PKP4: variants seen among roughly 807,000 people sequenced by gnomAD.
PKP4 encodes plakophilin-4.
A neutral mutation model predicts 145.1 loss-of-function variants in PKP4; 90 were observed. The observed-to-expected ratio is 0.62, with a 90% confidence interval of 0.52 to 0.74. The LOEUF is 0.74. Ranked by LOEUF, PKP4 falls within the 30% of genes least tolerant of loss-of-function variation. PKP4 has a pLI of 0.00. For synonymous variants in PKP4, 563 were observed against 577.2 expected (o/e 0.98, Z 0.35); for missense variants, 1,340 against 1,482.7 (o/e 0.90, Z 1.58).
intron 1 of PKP4, among the ~76,000 whole-genome samples, chr2:158,469,326 G>A (rs1559182033): frequency 6.6e-6 from 1 of 150,620 alleles, no homozygotes; most frequent in Non-Finnish European, 1.5e-5. Flanking sequence ...CTGACCTCAG[G>A]TGATCTGCCT....
At chr2:158,678,963 A>C (rs1431679113) in intron 21 of PKP4, 26 of 387,088 alleles carry the variant, frequency 6.7e-5, no homozygotes, top group Non-Finnish European at 1.2e-4. Context: ...TTAAGCTCTA[A>C]AATCTCTTCC....
At chr2:158,568,481 A>G (rs1369286126) in intron 2 of PKP4, among the ~76,000 whole-genome samples, 1 of 152,198 alleles carries the variant, frequency 6.6e-6, no homozygotes, top group Non-Finnish European at 1.5e-5. Context: ...GTGGGGAAGT[A>G]TGGGAGAGGA....
chr2:158,592,349 TG>T (rs1300517292), intron 3 of PKP4, among the ~76,000 whole-genome samples: 2 of 152,100 alleles, frequency 1.3e-5, no homozygotes, highest in Non-Finnish European at 2.9e-5. Context: ...GAATATTGAC[TG>T]TTTCCTTATG....
intron 4 of PKP4, among the ~76,000 whole-genome samples, chr2:158,610,024 T>G (rs1332649175): frequency 6.6e-6 from 1 of 152,234 alleles, no homozygotes; most frequent in African/African-American, 2.4e-5. Context: ...AAAGTTGTTT[T>G]GGAGCATTTA....
chr2:158,516,637 T>TA (rs1226296462), intron 1 of PKP4, among the ~76,000 whole-genome samples: 3 of 151,194 alleles, frequency 2.0e-5, no homozygotes, highest in Non-Finnish European at 4.4e-5. Context: ...AGATAGCAAG[T>TA]ACACTGGATT....
intron 1 of PKP4, among the ~76,000 whole-genome samples, chr2:158,493,529 ACC>A: frequency 6.6e-6 from 1 of 152,104 alleles, no homozygotes; most frequent in Non-Finnish European, 1.5e-5. Context: ...GGGACCAGCC[ACC>A]TGTCCTCCTT....
intron 2 of PKP4, among the ~76,000 whole-genome samples, chr2:158,561,882 G>T (rs1342572848): frequency 6.6e-6 from 1 of 151,196 alleles, no homozygotes; most frequent in Non-Finnish European, 1.5e-5. Context: ...TTGGTTTGCT[G>T]CATCCATCAA....
At chr2:158,561,668 T>C (rs1241728836) in intron 2 of PKP4, among the ~76,000 whole-genome samples, 1 of 152,254 alleles carries the variant, frequency 6.6e-6, no homozygotes, top group African/African-American at 2.4e-5. Context: ...ACTTCCCAGG[T>C]TACATGAGTG....
intron 2 of PKP4, among the ~76,000 whole-genome samples, chr2:158,552,717 A>T (rs1229930132): frequency 6.6e-6 from 1 of 152,140 alleles, no homozygotes; most frequent in Non-Finnish European, 1.5e-5. Flanking sequence ...TGAGACATAA[A>T]TTTTTTTGGT....
intron 1 of PKP4, among the ~76,000 whole-genome samples, chr2:158,532,729 C>T (rs908296438): frequency 6.6e-6 from 1 of 152,226 alleles, no homozygotes; most frequent in African/African-American, 2.4e-5. Context: ...TCAGATTCTT[C>T]TAAAGAAACC....
chr2:158,678,848 T>C (rs562076564), intron 21 of PKP4, 194 bp downstream of exon 21: 1 of 612,218 alleles, frequency 1.6e-6, no homozygotes, highest in African/African-American at 1.9e-5. Flanking sequence ...TTCTTGAGTA[T>C]CCACATCGGT....
chr2:158,506,730 C>A (rs1319537813), intron 1 of PKP4, among the ~76,000 whole-genome samples: 3 of 152,138 alleles, frequency 2.0e-5, no homozygotes, highest in Non-Finnish European at 4.4e-5. Flanking sequence ...TTGGAATATT[C>A]TAAAATCCTG....
chr2:158,646,490 T>G (rs534905969), intron 11 of PKP4, among the ~76,000 whole-genome samples: 14 of 152,194 alleles, frequency 9.2e-5, no homozygotes, highest in Non-Finnish European at 1.8e-4. Context: ...GTTGCTTTTT[T>G]TGTGTGTGTA....
chr2:158,528,896 G>T (rs977209026), intron 1 of PKP4, among the ~76,000 whole-genome samples: 1 of 152,180 alleles, frequency 6.6e-6, no homozygotes, highest in Non-Finnish European at 1.5e-5. Context: ...GGCTGATACA[G>T]AGACAGTGTT....
At chr2:158,644,532 A>G (rs369669872) in intron 11 of PKP4, among the ~76,000 whole-genome samples, 96 of 151,994 alleles carry the variant, frequency 6.3e-4, no homozygotes, top group African/African-American at 2.1e-3. Context: ...CAGTACTCTC[A>G]CACAGTGAAA....
chr2:158,484,184 A>T (rs1283381505), intron 1 of PKP4, among the ~76,000 whole-genome samples: 1 of 151,992 alleles, frequency 6.6e-6, no homozygotes, highest in East Asian at 1.9e-4. Context: ...AGTAGCTGGG[A>T]CTACAGGCGC....
chr2:158,641,862 T>C (rs1254304761), intron 10 of PKP4, among the ~76,000 whole-genome samples: 1 of 152,240 alleles, frequency 6.6e-6, no homozygotes, highest in Admixed American at 6.5e-5. Context: ...CACATTGCAC[T>C]GCTGGAGTGA....
chr2:158,559,975 T>G (rs951090842), intron 2 of PKP4, among the ~76,000 whole-genome samples: 1 of 152,030 alleles, frequency 6.6e-6, no homozygotes, highest in African/African-American at 2.4e-5. Context: ...CAAGTGATTC[T>G]CCTGCCTCAG....
chr2:158,585,167 C>T (rs1382636197), intron 3 of PKP4, among the ~76,000 whole-genome samples: 1 of 152,170 alleles, frequency 6.6e-6, no homozygotes, highest in Non-Finnish European at 1.5e-5. Flanking sequence ...GGTCCCTTCA[C>T]ATTGTTCATT....
Sources: gnomAD v4.1 joint callset for allele counts (sites outside exome capture counted in the v4.1 genomes callset) on GRCh38, gnomAD v4.1.1 for gene constraint, MANE v1.5 for transcripts, NCBI Gene and HGNC (gene_info 2026-07-23, HGNC 2026-07-21) for gene names.